Variants in PTPRD observed in about 807,000 individuals in gnomAD.
The protein encoded by PTPRD is protein tyrosine phosphatase receptor type D.
PTPRD carries 34 observed loss-of-function variants against 214.5 expected under a neutral mutation model. The ratio of observed to expected loss-of-function variants is 0.16; its 90% CI spans 0.12 to 0.21. The LOEUF (loss-of-function observed/expected upper bound fraction) is 0.21, where lower values mean the gene tolerates loss of function less well. Ranked by LOEUF, PTPRD falls within the 10% of genes least tolerant of loss-of-function variation. The pLI is 1.00. For missense variants in PTPRD, 2,545 were observed against 2,398.7 expected (o/e 1.06, Z -1.27); for synonymous variants, 1,128 against 845.7 (o/e 1.33, Z -5.79).
chr9:9,262,733 T>C lies in PTPRD; in HGVS notation c.-202-79370A>G, dbSNP rs995533226. Among the ~76,000 whole-genome samples the C allele has an allele frequency of 5.3e-5, 8 of 151,814 alleles. No individual in the cohort carries two copies. In the East Asian group the frequency reaches 1.2e-3, roughly 22 times the overall value. ...CAGAATCCAGAAATTTGTTTGCTTA[T>C]TTTTAATGCCATGTTTCTTATTGTA... On this transcript the variant is annotated intron_variant, in intron 9 of 45. Coordinates refer to ENST00000381196, the MANE Select transcript of PTPRD (RefSeq NM_002839.4).
intron 3 of PTPRD, among the ~76,000 whole-genome samples, chr9:10,069,008 T>C (rs1447795507): frequency 3.9e-5 from 6 of 152,132 alleles, no homozygotes; most frequent in Middle Eastern, 3.4e-3. Flanking sequence ...ATCTTTGCCC[T>C]TCAGCAAAAT....
At chr9:8,980,670 T>C (rs1038912604) in intron 11 of PTPRD, among the ~76,000 whole-genome samples, 25 of 152,132 alleles carry the variant, frequency 1.6e-4, no homozygotes, top group African/African-American at 6.0e-4. Context: ...GAAATGACTC[T>C]GGCATTCCAT....
At chr9:9,403,658 A>G (rs1233625997) in intron 8 of PTPRD, among the ~76,000 whole-genome samples, 1 of 152,120 alleles carries the variant, frequency 6.6e-6, no homozygotes, top group Non-Finnish European at 1.5e-5. Flanking sequence ...GGATAAAATG[A>G]GTAAGATAAT....
intron 9 of PTPRD, among the ~76,000 whole-genome samples, chr9:9,190,051 C>A (rs2099934145): frequency 6.6e-6 from 1 of 152,014 alleles, no homozygotes; most frequent in African/African-American, 2.4e-5. Context: ...GAATATGTAG[C>A]CAATGGCTAT....
intron 8 of PTPRD, among the ~76,000 whole-genome samples, chr9:9,564,582 GCTTT>G (rs1332162309): frequency 6.6e-6 from 1 of 152,024 alleles, no homozygotes; most frequent in African/African-American, 2.4e-5. Context: ...TTGGGTTGGA[GCTTT>G]CTTTTTTTAA....
At chr9:10,203,798 T>A (rs1216182715) in intron 3 of PTPRD, among the ~76,000 whole-genome samples, 1 of 152,164 alleles carries the variant, frequency 6.6e-6, no homozygotes, top group Non-Finnish European at 1.5e-5. Flanking sequence ...CTCAGTCGAG[T>A]CTGGTAATAA....
intron 10 of PTPRD, among the ~76,000 whole-genome samples, chr9:9,116,638 G>C (rs547937067): frequency 1.6e-4 from 24 of 152,078 alleles, no homozygotes; most frequent in African/African-American, 5.1e-4. Flanking sequence ...ATGCATTTTA[G>C]CAAAGTCTCA....
chr9:10,244,400 C>A (rs1564751393), intron 3 of PTPRD, among the ~76,000 whole-genome samples: 1 of 152,120 alleles, frequency 6.6e-6, no homozygotes, highest in Admixed American at 6.6e-5. Context: ...CTGTTAGACC[C>A]TGGCTGCTGA....
intron 12 of PTPRD, among the ~76,000 whole-genome samples, chr9:8,719,092 C>T (rs2098465678): frequency 6.6e-6 from 1 of 152,128 alleles, no homozygotes; most frequent in African/African-American, 2.4e-5. Context: ...TACAACTTTC[C>T]AAGCAAATGT....
intron 9 of PTPRD, among the ~76,000 whole-genome samples, chr9:9,325,861 T>C (rs1595820451): frequency 6.6e-6 from 1 of 152,178 alleles, no homozygotes; most frequent in African/African-American, 2.4e-5. Context: ...TTTTGAGATA[T>C]GTTCCATCAA....
chr9:10,531,873 G>A (rs1300943626), intron 2 of PTPRD, among the ~76,000 whole-genome samples: 1 of 152,122 alleles, frequency 6.6e-6, no homozygotes, highest in East Asian at 1.9e-4. Flanking sequence ...ACTAACTATA[G>A]TTATTGTAAA....
chr9:9,897,131 T>TATAC, intron 5 of PTPRD, among the ~76,000 whole-genome samples: 1 of 148,986 alleles, frequency 6.7e-6, no homozygotes, highest in African/African-American at 2.5e-5. Context: ...CTCTTACACT[T>TATAC]ACACACACAC....
At chr9:8,782,344 A>T (rs2095748614) in intron 11 of PTPRD, among the ~76,000 whole-genome samples, 1 of 152,102 alleles carries the variant, frequency 6.6e-6, no homozygotes, top group South Asian at 2.1e-4. Flanking sequence ...CAACTTTTTT[A>T]TGGTGAAAAT....
chr9:10,468,812 A>C (rs889046503), intron 2 of PTPRD, among the ~76,000 whole-genome samples: 3 of 152,136 alleles, frequency 2.0e-5, no homozygotes, highest in East Asian at 1.9e-4. Flanking sequence ...GGTTACTAGG[A>C]AGGCAAAAAT....
At chr9:9,136,916 G>T (rs2099851815) in intron 10 of PTPRD, among the ~76,000 whole-genome samples, 1 of 152,084 alleles carries the variant, frequency 6.6e-6, no homozygotes, top group African/African-American at 2.4e-5. Flanking sequence ...ACTGGTAGGG[G>T]ATTTACTCTG....
intron 5 of PTPRD, among the ~76,000 whole-genome samples, chr9:9,898,230 C>T (rs1054957552): frequency 7.2e-5 from 11 of 151,972 alleles, no homozygotes; most frequent in Non-Finnish European, 1.5e-4. Context: ...TATATCAATG[C>T]GTCAATTAAA....
chr9:9,406,417 A>G (rs2073385187), intron 8 of PTPRD, among the ~76,000 whole-genome samples: 1 of 152,000 alleles, frequency 6.6e-6, no homozygotes. Flanking sequence ...AGAATACTAC[A>G]TGGTTGAAAA....
rs142113084 is a variant in PTPRD at position 9,427,586 on chromosome 9, G to C, written c.-236-30104C>G. On this transcript the variant is annotated intron_variant, in intron 8 of 45. Coordinates refer to ENST00000381196, the MANE Select transcript of PTPRD (RefSeq NM_002839.4). ...ATGCCACAAAGATACTCTTCAAGAAGAGCAACTCCAAGACACATAATTGTC... is the reference window on the plus strand; with the variant it reads ...ATGCCACAAAGATACTCTTCAAGAACAGCAACTCCAAGACACATAATTGTC... 7.9e-4 allele frequency among the ~76,000 whole-genome samples: 120 copies of C among 152,226 alleles called. 1 individual carries two copies. The highest frequency in any genetic ancestry group is 2.7e-3 in the African/African-American group (113 of 41,528).
intron 3 of PTPRD, among the ~76,000 whole-genome samples, chr9:10,275,051 A>G (rs7869289): frequency 0.43 from 65,331 of 151,886 alleles, 15,559 homozygotes; most frequent in East Asian, 0.62. Flanking sequence ...AAATCAGGGC[A>G]CTAGTTTTCA....
Sources: allele counts gnomAD v4.1 joint callset (sites outside exome capture counted in the v4.1 genomes callset), GRCh38; gene constraint gnomAD v4.1.1; transcripts MANE v1.5; gene names NCBI Gene and HGNC (gene_info 2026-07-23, HGNC 2026-07-21).